Variants in PTPN9 observed in about 807,000 individuals in gnomAD.
The protein encoded by PTPN9 is protein tyrosine phosphatase non-receptor type 9.
PTPN9 carries 26 observed loss-of-function variants against 69.8 expected under a neutral mutation model. The ratio of observed to expected loss-of-function variants is 0.37; its 90% CI spans 0.27 to 0.52. The LOEUF is 0.52. Ranked by LOEUF, PTPN9 falls within the 20% of genes least tolerant of loss-of-function variation. PTPN9 has a pLI of 0.91. For synonymous variants in PTPN9, 274 were observed against 272.5 expected (o/e 1.01, Z -0.05); for missense variants, 549 against 740.3 (o/e 0.74, Z 3.00).
intron 7 of PTPN9, among the ~76,000 whole-genome samples, chr15:75,498,303 G>A (rs7164541): frequency 0.6 from 91,303 of 151,852 alleles, 28,722 homozygotes; most frequent in African/African-American, 0.8. Flanking sequence ...TACATTTTAT[G>A]TAATGTTACT....
chr15:75,475,099 TTCCA>T (rs1039043059), intron 9 of PTPN9, among the ~76,000 whole-genome samples: 13 of 152,202 alleles, frequency 8.5e-5, no homozygotes, highest in Admixed American at 5.9e-4. Context: ...TTATATACTC[TTCCA>T]TCCATTATTT....
At chr15:75,503,406 C>A (rs1249463934) in intron 7 of PTPN9, among the ~76,000 whole-genome samples, 13 of 145,176 alleles carry the variant, frequency 9.0e-5, no homozygotes, top group African/African-American at 3.4e-4. Context: ...CCAGCATCCG[C>A]CCCATCTGAG....
intron 1 of PTPN9, among the ~76,000 whole-genome samples, chr15:75,558,379 C>T (rs1010217714): frequency 6.6e-6 from 1 of 152,018 alleles, no homozygotes; most frequent in Admixed American, 6.6e-5. Flanking sequence ...TGGTGGCACA[C>T]GCCTGTAATC....
At chr15:75,545,581 T>A (rs1163995275) in intron 1 of PTPN9, among the ~76,000 whole-genome samples, 1 of 152,196 alleles carries the variant, frequency 6.6e-6, no homozygotes, top group Non-Finnish European at 1.5e-5. Flanking sequence ...ATTAGATATC[T>A]TAATTCCCTG....
intron 7 of PTPN9, among the ~76,000 whole-genome samples, chr15:75,504,665 A>C (rs1595955658): frequency 7.4e-6 from 1 of 134,816 alleles, no homozygotes. Flanking sequence ...CCGCCCGGCC[A>C]GCCGCCCTGT....
intron 2 of PTPN9, among the ~76,000 whole-genome samples, chr15:75,524,962 T>C (rs2074921245): frequency 6.6e-6 from 1 of 152,024 alleles, no homozygotes; most frequent in Non-Finnish European, 1.5e-5. Flanking sequence ...ACCCTAACCC[T>C]GAAGAGTAAC....
At chr15:75,565,425 C>G (rs1051980959) in intron 1 of PTPN9, among the ~76,000 whole-genome samples, 1 of 152,264 alleles carries the variant, frequency 6.6e-6, no homozygotes, top group African/African-American at 2.4e-5. Context: ...CATGGTTTCT[C>G]AACTCTGGCA....
chr15:75,503,244 C>T (rs188792294), intron 7 of PTPN9, among the ~76,000 whole-genome samples: 1 of 148,794 alleles, frequency 6.7e-6, no homozygotes. Context: ...CATCTCTGCC[C>T]GGCCGCCCAT....
chr15:75,519,257 C>G (rs904380039), intron 4 of PTPN9, among the ~76,000 whole-genome samples: 1 of 152,136 alleles, frequency 6.6e-6, no homozygotes, highest in Non-Finnish European at 1.5e-5. Flanking sequence ...TACAGGTGCC[C>G]ACCACCACAC....
intron 1 of PTPN9, among the ~76,000 whole-genome samples, chr15:75,577,191 A>G (rs746723783): frequency 1.1e-4 from 16 of 152,194 alleles, no homozygotes; most frequent in Non-Finnish European, 1.9e-4. Flanking sequence ...ATACTTTAAT[A>G]TTTACTTTTC....
chr15:75,473,120 A>G (rs1036597375), intron 10 of PTPN9, among the ~76,000 whole-genome samples: 2 of 152,176 alleles, frequency 1.3e-5, no homozygotes, highest in Non-Finnish European at 2.9e-5. Context: ...ATAGGGTATA[A>G]CTGGCACAGG....
chr15:75,514,835 G>A lies in PTPN9; in HGVS notation c.528+2424C>T, dbSNP rs12324246. On this transcript the variant is annotated intron_variant, in intron 5 of 12. Transcript: ENST00000618819. ...AATTTCACTAATAAAAGAAACGCAA[G>A]CTATACCACAAGATACCATCTCATA... Among the ~76,000 whole-genome samples, 317 of 152,192 alleles carry A rather than the reference G, an allele frequency of 2.1e-3. 1 individual carries two copies. The highest frequency in any genetic ancestry group is 7.3e-3 in the African/African-American group (305 of 41,526).
chr15:75,574,180 G>A (rs956910348), intron 1 of PTPN9, among the ~76,000 whole-genome samples: 6 of 151,974 alleles, frequency 3.9e-5, no homozygotes, highest in Admixed American at 3.9e-4. Context: ...AAGGCTTTGG[G>A]AGGCTGAGGC....
In PTPN9 at chr15:75,505,696, A is replaced by G. The variant is rs370139184; in HGVS notation, c.947T>C (p.Val316Ala). 2.3e-5 allele frequency: 37 copies of G among 1,613,798 alleles called. No individual in the cohort carries two copies. Among genetic ancestry groups the G allele is most frequent in the East Asian group, 2.0e-4 (9 of 44,898 alleles). ...TTACATGGAACAGTGGAAAGTGCCA[A>G]CAGGGTTCTCACGACGAATGTCTTC... Reference protein sequence around the residue: ...EYEDIRRENPVGTFHCSMSPG... With the variant: ...EYEDIRRENPAGTFHCSMSPG... The change falls in exon 7 of 13, where the codon GTT (valine) becomes GCT (alanine). Residue 316 changes from valine (V) to alanine (A), a missense_variant. Transcript: ENST00000618819.
In PTPN9 at chr15:75,465,088, ACTGT is replaced by A. The variant is rs1280427638; in HGVS notation, c.*3677_*3680del. On this transcript the variant is annotated 3_prime_UTR_variant, in exon 13 of 13. Transcript: ENST00000618819. Reference sequence around the variant, plus strand: ...CTCAGTGTTTTCTTCTTTCCTGAACACTGTCTTTCTTTTTTATTTATTTATTTTT... The same window carrying A: ...CTCAGTGTTTTCTTCTTTCCTGAACACTTTCTTTTTTATTTATTTATTTTT... The A allele has an allele frequency of 6.6e-6, 1 of 152,120 alleles. No individual in the cohort carries two copies. Among genetic ancestry groups the A allele is most frequent in the Non-Finnish European group, 1.5e-5 (1 of 68,026 alleles). The allele number at this position is 152,120 out of a possible 1,614,324, so 9.4% of individuals were successfully genotyped here.
chr15:75,554,187 A>G (rs1322730095), intron 1 of PTPN9, among the ~76,000 whole-genome samples: 1 of 150,592 alleles, frequency 6.6e-6, no homozygotes, highest in African/African-American at 2.4e-5. Flanking sequence ...CCCGGCTGAA[A>G]AAAGAAAAAA....
At chr15:75,528,158 A>G (rs531227361) in intron 1 of PTPN9, among the ~76,000 whole-genome samples, 15 of 152,330 alleles carry the variant, frequency 9.8e-5, no homozygotes, top group African/African-American at 3.6e-4. Context: ...CCCAGAGTCA[A>G]TAACAGCCCC....
intron 1 of PTPN9, among the ~76,000 whole-genome samples, chr15:75,571,839 T>C (rs545293264): frequency 4.0e-5 from 6 of 151,864 alleles, no homozygotes; most frequent in Non-Finnish European, 5.9e-5. Context: ...GGTTGTGCCA[T>C]TGTGCTCCAG....
At chr15:75,493,017 T>C (rs575403195) in intron 7 of PTPN9, among the ~76,000 whole-genome samples, 65 of 152,170 alleles carry the variant, frequency 4.3e-4, no homozygotes, top group Non-Finnish European at 5.9e-4. Flanking sequence ...TAGCTGGGCA[T>C]GGAGGTACAA....
Sources: allele counts gnomAD v4.1 joint callset (sites outside exome capture counted in the v4.1 genomes callset), GRCh38; gene constraint gnomAD v4.1.1; transcripts MANE v1.5; gene names NCBI Gene and HGNC (gene_info 2026-07-23, HGNC 2026-07-21).